Variants in AGBL4 observed in about 807,000 individuals in gnomAD.
AGBL4 encodes AGBL carboxypeptidase 4, also known as cytosolic carboxypeptidase 6.
Under a neutral mutation model 66.4 loss-of-function variants are expected in AGBL4, and 58 were observed. That is an observed-to-expected ratio of 0.87 (90% CI 0.71 to 1.09). The LOEUF is 1.09. Ranked by LOEUF, AGBL4 falls within the 50% of genes least tolerant of loss-of-function variation. The pLI, the probability that AGBL4 is intolerant of heterozygous loss-of-function variation, is 0.00. For synonymous variants in AGBL4, 234 were observed against 222.9 expected (o/e 1.05, Z -0.44); for missense variants, 579 against 631.0 (o/e 0.92, Z 0.88).
intron 8 of AGBL4, among the ~76,000 whole-genome samples, chr1:48,647,073 T>A (rs1645849669): frequency 6.6e-6 from 1 of 152,154 alleles, no homozygotes. Context: ...AAACCTTAGT[T>A]ATACTGGATT....
At chr1:49,634,446 C>T (rs1645632242) in intron 3 of AGBL4, among the ~76,000 whole-genome samples, 1 of 152,158 alleles carries the variant, frequency 6.6e-6, no homozygotes, top group South Asian at 2.1e-4. Context: ...GCCACATCTT[C>T]TTTATCCAGT....
At chr1:48,980,328 C>T (rs1434060455) in intron 5 of AGBL4, among the ~76,000 whole-genome samples, 1 of 152,100 alleles carries the variant, frequency 6.6e-6, no homozygotes, top group Non-Finnish European at 1.5e-5. Flanking sequence ...TCAGAAGCCA[C>T]TTTTTAAATT....
At chr1:48,725,354 A>G (rs142827407) in intron 6 of AGBL4, among the ~76,000 whole-genome samples, 56 of 152,342 alleles carry the variant, frequency 3.7e-4, no homozygotes, top group African/African-American at 1.3e-3. Context: ...TTGTATTTTA[A>G]GCACCTCAGC....
intron 3 of AGBL4, among the ~76,000 whole-genome samples, chr1:49,650,941 C>G (rs1329616918): frequency 6.6e-6 from 1 of 152,162 alleles, no homozygotes; most frequent in African/African-American, 2.4e-5. Context: ...TTCATGGTAG[C>G]TGCACCCCAC....
At chr1:49,813,690 T>C (rs962175484) in intron 2 of AGBL4, among the ~76,000 whole-genome samples, 2 of 151,880 alleles carry the variant, frequency 1.3e-5, no homozygotes, top group African/African-American at 2.4e-5. Flanking sequence ...CTCAGGGAGG[T>C]TACATTCCAG....
chr1:48,975,002 T>TA (rs1221710647), intron 5 of AGBL4, among the ~76,000 whole-genome samples: 1 of 152,104 alleles, frequency 6.6e-6, no homozygotes, highest in Non-Finnish European at 1.5e-5. Flanking sequence ...AATGGTACAC[T>TA]ATGTTGACAG....
intron 3 of AGBL4, among the ~76,000 whole-genome samples, chr1:49,507,456 T>C (rs1055428028): frequency 2.0e-5 from 3 of 152,044 alleles, no homozygotes; most frequent in African/African-American, 7.2e-5. Context: ...GATAGTTCTA[T>C]AGTTTTGCAT....
chr1:49,925,716 A>G (rs1434558801), intron 1 of AGBL4, among the ~76,000 whole-genome samples: 3 of 152,180 alleles, frequency 2.0e-5, no homozygotes, highest in African/African-American at 4.8e-5. Flanking sequence ...TTGGATCTGA[A>G]GTGAAATTGG....
intron 5 of AGBL4, among the ~76,000 whole-genome samples, chr1:48,919,290 G>C (rs1362243995): frequency 6.6e-6 from 1 of 152,136 alleles, no homozygotes; most frequent in African/African-American, 2.4e-5. Flanking sequence ...CTGGGATGTT[G>C]TTAAGGCTCC....
At chr1:49,697,579 C>G in intron 2 of AGBL4, 142 bp from the exon 3 acceptor site, 1 of 675,354 alleles carries the variant, frequency 1.5e-6, no homozygotes, top group Non-Finnish European at 2.3e-6. Flanking sequence ...ATCCAAAGGG[C>G]TGCCAAGTCT....
At position 50,023,925 on chromosome 1, in the gene AGBL4, G is replaced by A; in HGVS notation, c.-129C>T. ...CACGACGGTTGCCTGGGCAACGGGCGGCAGGCGCGCGGGTGGCCGGCGCGC... is the reference window on the plus strand; with the variant it reads ...CACGACGGTTGCCTGGGCAACGGGCAGCAGGCGCGCGGGTGGCCGGCGCGC... On this transcript the variant is annotated 5_prime_UTR_variant, in exon 1 of 14. Transcript: ENST00000371839. 9.0e-7 allele frequency: 1 copy of A among 1,105,770 alleles called. No homozygotes were observed. Among genetic ancestry groups the A allele is most frequent in the Non-Finnish European group, 1.2e-6 (1 of 813,920 alleles). The allele number at this position is 1,105,770 out of a possible 1,614,324, so 68.5% of individuals were successfully genotyped here.
At position 48,966,903 on chromosome 1, in the gene AGBL4, G is replaced by A. The variant is rs150373032; in HGVS notation, c.594+78681C>T. Among the ~76,000 whole-genome samples the A allele has an allele frequency of 1.4e-4, 22 of 152,132 alleles. No individual in the cohort carries two copies. In the East Asian group the frequency reaches 4.1e-3, roughly 28 times the overall value. On this transcript the variant is annotated intron_variant, in intron 5 of 13. Transcript: ENST00000371839. The stretch of plus-strand genomic sequence containing the variant: ...GCTGTTTATAATGGAGTCCAATTCA[G>A]GTCACATGGTGGGTAAATGGGAGGG...
intron 6 of AGBL4, among the ~76,000 whole-genome samples, chr1:48,667,153 G>A (rs1288409852): frequency 1.3e-5 from 2 of 152,194 alleles, no homozygotes; most frequent in African/African-American, 2.4e-5. Context: ...CTTTCAAGAG[G>A]TGGAGATGTA....
At chr1:48,667,145 T>C (rs1278696553) in intron 6 of AGBL4, among the ~76,000 whole-genome samples, 1 of 152,232 alleles carries the variant, frequency 6.6e-6, no homozygotes, top group East Asian at 1.9e-4. Flanking sequence ...ATTTCCGCCT[T>C]TCAAGAGGTG....
chr1:49,030,060 G>T (rs1319877508), intron 5 of AGBL4, among the ~76,000 whole-genome samples: 1 of 152,100 alleles, frequency 6.6e-6, no homozygotes, highest in African/African-American at 2.4e-5. Flanking sequence ...GCTCTTAGAA[G>T]AAAACATAGG....
intron 3 of AGBL4, among the ~76,000 whole-genome samples, chr1:49,249,355 T>C (rs1271723263): frequency 6.6e-6 from 1 of 151,794 alleles, no homozygotes; most frequent in African/African-American, 2.4e-5. Context: ...ACAGAATATA[T>C]AAGGAACTCA....
chr1:49,135,764 T>G (rs1257964081), intron 4 of AGBL4, among the ~76,000 whole-genome samples: 1 of 152,136 alleles, frequency 6.6e-6, no homozygotes. Flanking sequence ...CCCTCATTCC[T>G]GTAAACCCAC....
chr1:49,560,839 C>A (rs1393145873), intron 3 of AGBL4, among the ~76,000 whole-genome samples: 10 of 151,954 alleles, frequency 6.6e-5, no homozygotes, highest in Admixed American at 6.6e-4. Flanking sequence ...AATCTTTTAC[C>A]CCTGAATAGT....
chr1:49,714,569 CATATATATATAT>C (rs60965691), intron 2 of AGBL4, among the ~76,000 whole-genome samples: 16 of 141,850 alleles, frequency 1.1e-4, no homozygotes, highest in Non-Finnish European at 2.3e-4. Context: ...GTAGTATTTA[CATATATATATAT>C]ATATATATAT....
Sources: allele counts gnomAD v4.1 joint callset (sites outside exome capture counted in the v4.1 genomes callset), GRCh38; gene constraint gnomAD v4.1.1; transcripts MANE v1.5; gene names NCBI Gene and HGNC (gene_info 2026-07-23, HGNC 2026-07-21).